The following CFAP44 variants were observed in gnomAD, a reference collection of about 807,000 sequenced individuals.
CFAP44 encodes cilia- and flagella-associated protein 44.
CFAP44 carries 134 observed loss-of-function variants against 216.2 expected under a neutral mutation model. That is an observed-to-expected ratio of 0.62 (90% confidence interval 0.54 to 0.72). The LOEUF is 0.72. Among genes scored for constraint, CFAP44 ranks in the 30% least tolerant of loss-of-function variants. The probability of loss-of-function intolerance (pLI) is 0.00; values close to 1 mark genes in which losing one functional copy is unlikely to be tolerated. For synonymous variants in CFAP44, 700 were observed against 727.6 expected (o/e 0.96, Z 0.61); for missense variants, 2,035 against 2,182.1 (o/e 0.93, Z 1.34).
At chr3:113,318,976 A>C (rs972410647) in intron 28 of CFAP44, among the ~76,000 whole-genome samples, 11 of 152,178 alleles carry the variant, frequency 7.2e-5, no homozygotes, top group Non-Finnish European at 1.5e-4. Context: ...ACAAAAAAAA[A>C]ACAATACCCT....
chr3:113,401,199 C>T, intron 11 of CFAP44, 41 bp downstream of exon 11: 1 of 1,519,432 alleles, frequency 6.6e-7, no homozygotes. Flanking sequence ...AAAGTTTTTA[C>T]TATGAAAGTT....
chr3:113,304,546 T>A (rs1480072174), intron 31 of CFAP44, among the ~76,000 whole-genome samples: 1 of 152,234 alleles, frequency 6.6e-6, no homozygotes, highest in African/African-American at 2.4e-5. Flanking sequence ...TTTCTCTTAA[T>A]GATATGTATT....
At chr3:113,336,102 T>C (rs1034301285) in intron 24 of CFAP44, among the ~76,000 whole-genome samples, 2 of 152,110 alleles carry the variant, frequency 1.3e-5, no homozygotes, top group Non-Finnish European at 2.9e-5. Flanking sequence ...AATGTTTATA[T>C]TACAAAAGAA....
At chr3:113,308,366 G>T in intron 28 of CFAP44, 98 bp from the exon 29 acceptor site, 2 of 970,038 alleles carry the variant, frequency 2.1e-6, no homozygotes, top group Non-Finnish European at 3.0e-6. Context: ...TTAGTCACTA[G>T]AAAAATAACT....
intron 24 of CFAP44, among the ~76,000 whole-genome samples, chr3:113,340,592 C>T (rs1950323453): frequency 6.6e-6 from 1 of 152,150 alleles, no homozygotes; most frequent in African/African-American, 2.4e-5. Flanking sequence ...TTCTTCAGTA[C>T]CCCATTGCTC....
At chr3:113,354,200 C>T (rs781301776) in intron 22 of CFAP44, among the ~76,000 whole-genome samples, 23 of 152,128 alleles carry the variant, frequency 1.5e-4, no homozygotes, top group Non-Finnish European at 2.9e-4. Context: ...GATTAGCTTG[C>T]GGATGGGGAC....
At chr3:113,314,232 A>G (rs535464104) in intron 28 of CFAP44, among the ~76,000 whole-genome samples, 29 of 152,320 alleles carry the variant, frequency 1.9e-4, no homozygotes, top group Admixed American at 1.4e-3. Flanking sequence ...ACTCATCACA[A>G]TCAAACTTCT....
At chr3:113,318,440 C>T (rs1950109424) in intron 28 of CFAP44, among the ~76,000 whole-genome samples, 1 of 152,064 alleles carries the variant, frequency 6.6e-6, no homozygotes, top group African/African-American at 2.4e-5. Flanking sequence ...ACAAAGAGAA[C>T]AAATCTATGA....
chr3:113,325,798 C>T (rs1012876422), intron 28 of CFAP44, among the ~76,000 whole-genome samples: 2 of 152,090 alleles, frequency 1.3e-5, no homozygotes, highest in Non-Finnish European at 2.9e-5. Context: ...GTTAGTCTAC[C>T]TGATTTAAGG....
chr3:113,329,909 T>C (rs1370622602), intron 26 of CFAP44, among the ~76,000 whole-genome samples: 1 of 152,116 alleles, frequency 6.6e-6, no homozygotes, highest in Non-Finnish European at 1.5e-5. Flanking sequence ...AACTGAAACA[T>C]GGGCTTCCCC....
At chr3:113,394,723 C>CT (rs1933943359) in intron 15 of CFAP44, among the ~76,000 whole-genome samples, 1 of 150,924 alleles carries the variant, frequency 6.6e-6, no homozygotes, top group African/African-American at 2.4e-5. Context: ...AGCTGACGAG[C>CT]TAAAAAAAAA....
At position 113,308,156 on chromosome 3, in the gene CFAP44, A is replaced by C. The variant is rs185627434; in HGVS notation, c.4627+2T>G. The C allele has an allele frequency of 1.3e-6, 2 of 1,531,422 alleles. No homozygotes were observed. The highest frequency in any genetic ancestry group is 2.7e-5 in the African/African-American group (2 of 72,834). The allele number at this position is 1,531,422 out of a possible 1,614,324, so 94.9% of individuals were successfully genotyped here. A position where few individuals can be genotyped will look rare whatever the true frequency, so the allele number is the denominator to read the frequency against. Reference sequence around the variant, plus strand: ...GAGAACACGTGGTTTTATCTAACTTACTTGTTGGGCAAATAGAATCATCAA... The same window carrying C: ...GAGAACACGTGGTTTTATCTAACTTCCTTGTTGGGCAAATAGAATCATCAA... On this transcript the variant is annotated splice_donor_variant, in intron 29 of 34. Transcript: ENST00000393845. LOFTEE classifies it high-confidence loss of function.
At chr3:113,419,545 T>C (rs1055200776) in intron 5 of CFAP44, among the ~76,000 whole-genome samples, 3 of 152,214 alleles carry the variant, frequency 2.0e-5, no homozygotes, top group Non-Finnish European at 4.4e-5. Flanking sequence ...GAAACAAACA[T>C]GATAGTATCT....
chr3:113,365,906 T>C (rs1281953077), intron 19 of CFAP44, 133 bp downstream of exon 19: 4 of 969,044 alleles, frequency 4.1e-6, no homozygotes, highest in Admixed American at 2.7e-5. Flanking sequence ...CAAATTATAA[T>C]AGTAGCAGGA....
chr3:113,391,396 A>G (rs1431513937), intron 15 of CFAP44, among the ~76,000 whole-genome samples: 9 of 152,178 alleles, frequency 5.9e-5, no homozygotes, highest in Non-Finnish European at 1.2e-4. Context: ...CAATTAAAAG[A>G]AAACATTGGG....
At chr3:113,429,441 C>T (rs367778165) in intron 2 of CFAP44, among the ~76,000 whole-genome samples, 86 of 152,132 alleles carry the variant, frequency 5.7e-4, no homozygotes, top group African/African-American at 2.0e-3. Context: ...CCACTCCAGC[C>T]GTGTTATGCT....
At chr3:113,414,004 T>C (rs1188816334) in intron 6 of CFAP44, among the ~76,000 whole-genome samples, 1 of 152,222 alleles carries the variant, frequency 6.6e-6, no homozygotes, top group Non-Finnish European at 1.5e-5. Context: ...ATGAATGTTT[T>C]TCCGTTTGTT....
intron 22 of CFAP44, among the ~76,000 whole-genome samples, chr3:113,352,037 C>A (rs1312081516): frequency 2.6e-5 from 4 of 152,144 alleles, no homozygotes; most frequent in Non-Finnish European, 5.9e-5. Context: ...CAATTCCCAA[C>A]AGCAGTTGGG....
intron 32 of CFAP44, 132 bp downstream of exon 32, chr3:113,303,784 T>C (rs1949960419): frequency 2.2e-6 from 2 of 929,902 alleles, no homozygotes; most frequent in Non-Finnish European, 3.1e-6. Context: ...GAAGATGTTG[T>C]GGTGTTCTTG....
Sources: gnomAD v4.1 joint callset for allele counts (sites outside exome capture counted in the v4.1 genomes callset) on GRCh38, gnomAD v4.1.1 for gene constraint, MANE v1.5 for transcripts, NCBI Gene and HGNC (gene_info 2026-07-23, HGNC 2026-07-21) for gene names.